BLTP3B: variants seen among roughly 807,000 people sequenced by gnomAD.
BLTP3B encodes the protein bridge-like lipid transfer protein family member 3B.
At chr12:100,122,873 A>G in the BLTP3B span, among the ~76,000 whole-genome samples, 8 of 152,304 alleles carry the variant, frequency 5.3e-5, no homozygotes, top group South Asian at 2.1e-4. Flanking sequence ...TTCCTAGAGA[A>G]GGCCAAACTT....
At chr12:100,136,512 CAT>C in the BLTP3B span, among the ~76,000 whole-genome samples, 3 of 151,438 alleles carry the variant, frequency 2.0e-5, no homozygotes, top group Admixed American at 6.6e-5. Flanking sequence ...CACTATGTGG[CAT>C]ATATATATAT....
chr12:100,073,785 T>C, the BLTP3B span, among the ~76,000 whole-genome samples: 1 of 152,128 alleles, frequency 6.6e-6, no homozygotes, highest in Non-Finnish European at 1.5e-5. Flanking sequence ...ATTATCTCAA[T>C]AGGCAAAGAA....
chr12:100,130,618 A>C, the BLTP3B span, among the ~76,000 whole-genome samples: 1 of 152,126 alleles, frequency 6.6e-6, no homozygotes, highest in Non-Finnish European at 1.5e-5. Flanking sequence ...GCAGCACAGC[A>C]AAAGTAACAA....
chr12:100,052,638 A>G, the BLTP3B span, among the ~76,000 whole-genome samples: 1 of 152,142 alleles, frequency 6.6e-6, no homozygotes, highest in Non-Finnish European at 1.5e-5. Context: ...ATGGGAAAAC[A>G]TCAGAAAAAG....
chr12:100,047,553 T>C, the BLTP3B span: 1 of 1,611,896 alleles, frequency 6.2e-7, no homozygotes, highest in Admixed American at 1.7e-5. Context: ...AGAGCCATCG[T>C]CACTTCTCTC....
chr12:100,061,162 TAG>T, the BLTP3B span, among the ~76,000 whole-genome samples: 2 of 152,064 alleles, frequency 1.3e-5, no homozygotes, highest in Non-Finnish European at 2.9e-5. Flanking sequence ...CTTTTGGGAA[TAG>T]AAATAAAGTG....
At chr12:100,107,401 G>A in the BLTP3B span, among the ~76,000 whole-genome samples, 54 of 151,412 alleles carry the variant, frequency 3.6e-4, no homozygotes, top group Non-Finnish European at 6.5e-4. Context: ...AAAATGGGCT[G>A]GGCACGGGCG....
chr12:100,139,541 A>G, the BLTP3B span, among the ~76,000 whole-genome samples: 1 of 152,180 alleles, frequency 6.6e-6, no homozygotes, highest in Non-Finnish European at 1.5e-5. Flanking sequence ...GTTATTTTCC[A>G]GGATCCAAAG....
At chr12:100,083,748 G>A in the BLTP3B span, among the ~76,000 whole-genome samples, 1 of 150,994 alleles carries the variant, frequency 6.6e-6, no homozygotes. Context: ...CAATTATTAT[G>A]TGTTGACTTA....
the BLTP3B span, among the ~76,000 whole-genome samples, chr12:100,045,363 C>T: frequency 4.3e-3 from 658 of 152,266 alleles, 2 homozygotes; most frequent in African/African-American, 0.015. Context: ...TACAATGCTA[C>T]AGTAACCAAA....
At chr12:100,050,951 T>G in the BLTP3B span, 1 of 1,284,898 alleles carries the variant, frequency 7.8e-7, no homozygotes, top group African/African-American at 1.5e-5. Context: ...GAACAAAAGC[T>G]GCAAATTGAA....
At chr12:100,047,599 C>T in the BLTP3B span, 1 of 1,613,504 alleles carries the variant, frequency 6.2e-7, no homozygotes, top group African/African-American at 1.3e-5. Flanking sequence ...GTTACAGGAG[C>T]TGGTTCAAGG....
At chr12:100,139,816 G>A in the BLTP3B span, among the ~76,000 whole-genome samples, 1 of 152,128 alleles carries the variant, frequency 6.6e-6, no homozygotes, top group Non-Finnish European at 1.5e-5. Context: ...AATACATAAA[G>A]AAATAAATAT....
the BLTP3B span, among the ~76,000 whole-genome samples, chr12:100,117,585 C>A: frequency 1.3e-5 from 2 of 152,010 alleles, no homozygotes; most frequent in Non-Finnish European, 2.9e-5. Flanking sequence ...CTGCCTCGAC[C>A]TCCTAAGATC....
chr12:100,126,304 G>C, the BLTP3B span, among the ~76,000 whole-genome samples: 1 of 152,162 alleles, frequency 6.6e-6, no homozygotes, highest in Non-Finnish European at 1.5e-5. Flanking sequence ...AGTTTGGAAA[G>C]AAACAATATT....
the BLTP3B span, among the ~76,000 whole-genome samples, chr12:100,140,729 A>AAAAAAATATATATATAT: frequency 3.3e-5 from 2 of 61,488 alleles, no homozygotes; most frequent in African/African-American, 1.0e-4. Context: ...AAAAAAAAAA[A>AAAAAAATATATATATAT]ATATATATAT....
the BLTP3B span, chr12:100,058,460 G>GCTA: frequency 3.1e-6 from 5 of 1,613,202 alleles, no homozygotes; most frequent in African/African-American, 4.0e-5. Flanking sequence ...AAGGGATATG[G>GCTA]CTAAGGTCAA....
the BLTP3B span, among the ~76,000 whole-genome samples, chr12:100,038,268 T>A: frequency 2.6e-5 from 4 of 152,328 alleles, no homozygotes; most frequent in African/African-American, 7.2e-5. Context: ...TGGCTCCAAC[T>A]ATCATAGACT....
the BLTP3B span, chr12:100,047,575 G>A: frequency 6.2e-6 from 10 of 1,613,410 alleles, no homozygotes; most frequent in Middle Eastern, 3.3e-4. Flanking sequence ...ACCACAAGAT[G>A]ATCAATATGT....
Sources: gnomAD v4.1 joint callset for allele counts (sites outside exome capture counted in the v4.1 genomes callset) on GRCh38, gnomAD v4.1.1 for gene constraint, MANE v1.5 for transcripts, NCBI Gene and HGNC (gene_info 2026-07-23, HGNC 2026-07-21) for gene names.